The following MROH2A variants were observed in gnomAD, a reference collection of about 807,000 sequenced individuals.
The protein encoded by MROH2A is maestro heat-like repeat-containing protein family member 2A.
Under a neutral mutation model 200.4 loss-of-function variants are expected in MROH2A, and 174 were observed. The ratio of observed to expected loss-of-function variants is 0.87; its 90% CI spans 0.77 to 0.98. The LOEUF (loss-of-function observed/expected upper bound fraction) is 0.98, where lower values mean the gene tolerates loss of function less well. MROH2A is among the 50% of genes least tolerant of loss of function. The probability of loss-of-function intolerance (pLI) is 0.00; values close to 1 mark genes in which losing one functional copy is unlikely to be tolerated. For missense variants in MROH2A, 2,045 were observed against 2,139.6 expected (o/e 0.96, Z 0.87); for synonymous variants, 829 against 840.4 (o/e 0.99, Z 0.23).
At chr2:233,800,673 A>G (rs555199120) in intron 14 of MROH2A, among the ~76,000 whole-genome samples, 12 of 151,882 alleles carry the variant, frequency 7.9e-5, no homozygotes, top group Admixed American at 4.6e-4. Flanking sequence ...GTGTAGACCA[A>G]TGATTTTCAT....
rs141228203 is a variant in MROH2A at position 233,783,313 on chromosome 2, T to C, written c.276+3461T>C. 5.6e-3 allele frequency among the ~76,000 whole-genome samples: 856 copies of C among 152,296 alleles called. 7 individuals carry two copies. The highest frequency in any genetic ancestry group is 0.02 in the African/African-American group (814 of 41,562). ...AGAATTGGTATTTGCTTTTATTTAA[T>C]GTTTGGTAGAATTCAGCAGTGAATC... On this transcript the variant is annotated intron_variant, in intron 3 of 41. Coordinates refer to ENST00000389758, the MANE Select transcript of MROH2A (RefSeq NM_001394639.1).
chr2:233,795,713 C>T lies in MROH2A; in HGVS notation c.1027C>T (p.Leu343=). 1 of 1,551,206 alleles carries T rather than the reference C, an allele frequency of 6.4e-7. No individual in the cohort carries two copies. Residue 343 remains leucine (L), a synonymous_variant, in exon 9 of 42, where the codon CTA becomes TTA. Transcript: ENST00000389758. The stretch of plus-strand genomic sequence containing the variant: ...CAACACCCCTGTCCCCCAAATGCAG[C>T]TACACACCATTTTCACAGAACTGCA... ...TTNTPVPQMQ[L]HTIFTELHVQ...
intron 3 of MROH2A, among the ~76,000 whole-genome samples, chr2:233,782,859 T>C (rs560284692): frequency 6.6e-6 from 1 of 152,352 alleles, no homozygotes; most frequent in South Asian, 2.1e-4. Context: ...TTGTCATATA[T>C]GGCTTTTATT....
intron 38 of MROH2A, among the ~76,000 whole-genome samples, chr2:233,830,534 A>G (rs1009804785): frequency 6.6e-6 from 1 of 152,202 alleles, no homozygotes; most frequent in African/African-American, 2.4e-5. Context: ...GGGTCACAGG[A>G]CAAGTACTGT....
At chr2:233,822,794 G>A in intron 33 of MROH2A, 87 bp from the exon 34 acceptor site, 1 of 1,496,192 alleles carries the variant, frequency 6.7e-7, no homozygotes, top group South Asian at 1.3e-5. Flanking sequence ...GGCAGGCACT[G>A]GGGCCCCACT....
chr2:233,795,345 CCAT>C (rs1478463325), intron 8 of MROH2A, among the ~76,000 whole-genome samples: 1 of 152,140 alleles, frequency 6.6e-6, no homozygotes, highest in African/African-American at 2.4e-5. Flanking sequence ...GATTTAGGAG[CCAT>C]CTGTAGATCA....
chr2:233,832,418 G>A, intron 40 of MROH2A, 139 bp downstream of exon 40: 2 of 952,886 alleles, frequency 2.1e-6, no homozygotes, highest in Non-Finnish European at 3.2e-6. Flanking sequence ...GCCCTGCACT[G>A]TGCTTTCTAT....
At chr2:233,813,128 G>T (rs7569824) in intron 24 of MROH2A, among the ~76,000 whole-genome samples, 61,792 of 152,150 alleles carry the variant, frequency 0.41, 13,529 homozygotes, top group East Asian at 0.56. Flanking sequence ...GAAGAAGAAT[G>T]AGCTAGCATG....
Position 233,828,683 on chromosome 2 carries a change from G to A in MROH2A, c.4167G>A (p.Leu1389=). The change falls in exon 36 of 42, where the codon TTG becomes TTA. Residue 1389 remains leucine (L), a synonymous_variant. Transcript: ENST00000389758. This position sits in a 1 kb window ranked among gnomAD's most constrained non-coding sequence, Gnocchi z 4.6. ...AGAAGCTGCTGAAGCCGGCAGCTTT[G>A]CTGCTGGAGAAGGGTGCCGACCAGG... ...YQEKLLKPAA[L]LLEKGADQEE... is the part of the protein sequence containing the mutation. 6.4e-7 allele frequency: 1 copy of A among 1,550,738 alleles called. No individual in the cohort carries two copies. Among genetic ancestry groups the A allele is most frequent in the East Asian group, 2.4e-5 (1 of 40,924 alleles).
intron 11 of MROH2A, 130 bp from the exon 12 acceptor site, chr2:233,798,644 G>A: frequency 3.0e-6 from 2 of 672,768 alleles, no homozygotes; most frequent in Non-Finnish European, 2.7e-6. Context: ...GGCCAGGGAG[G>A]CTCCTAAGAA....
At chr2:233,823,319 C>T (rs556421995) in intron 34 of MROH2A, among the ~76,000 whole-genome samples, 5 of 152,350 alleles carry the variant, frequency 3.3e-5, no homozygotes, top group South Asian at 4.1e-4. Context: ...CTAGTCACTC[C>T]GGAGCCGCCC....
chr2:233,790,493 T>G (rs1191054690), intron 5 of MROH2A, among the ~76,000 whole-genome samples: 1 of 34,526 alleles, frequency 2.9e-5, no homozygotes, highest in Non-Finnish European at 4.6e-5. Flanking sequence ...CCCTCCCTCC[T>G]TCCTTCCTTT....
At chr2:233,827,576 G>T (rs181143230) in intron 35 of MROH2A, among the ~76,000 whole-genome samples, 1 of 152,228 alleles carries the variant, frequency 6.6e-6, no homozygotes, top group African/African-American at 2.4e-5. Flanking sequence ...TTGGGAGTGG[G>T]GTGGGGGAAG....
In MROH2A at chr2:233,799,765, G is replaced by A. The variant is rs1702338106; in HGVS notation, c.1330-15G>A. On this transcript the variant is annotated splice_polypyrimidine_tract_variant and intron_variant, in intron 12 of 41. Coordinates refer to ENST00000389758, the MANE Select transcript of MROH2A (RefSeq NM_001394639.1). Reference sequence around the variant, plus strand: ...CACCCCAACCCCCAGCATGTCCACGGTCCTGTCCCCTCAGGTGAGGATGGC... The same window carrying A: ...CACCCCAACCCCCAGCATGTCCACGATCCTGTCCCCTCAGGTGAGGATGGC... The A allele has an allele frequency of 1.3e-6, 2 of 1,550,316 alleles. No individual in the cohort carries two copies. Among genetic ancestry groups the A allele is most frequent in the Non-Finnish European group, 1.7e-6 (2 of 1,146,924 alleles).
intron 21 of MROH2A, 34 bp from the exon 22 acceptor site, chr2:233,809,092 C>A: frequency 6.5e-7 from 1 of 1,532,540 alleles, no homozygotes; most frequent in Non-Finnish European, 8.8e-7. Context: ...GCCCCTGCTG[C>A]CCCCAGTGGT....
intron 35 of MROH2A, among the ~76,000 whole-genome samples, chr2:233,826,933 A>G (rs367984802): frequency 2.0e-5 from 3 of 152,378 alleles, no homozygotes; most frequent in African/African-American, 7.2e-5. Flanking sequence ...GACCCTTCTC[A>G]AAGAAGACAC....
chr2:233,818,806 GGT>G (rs1575995924), intron 29 of MROH2A, 36 bp downstream of exon 29: 1 of 1,387,818 alleles, frequency 7.2e-7, no homozygotes. Context: ...CTGCCAGGCT[GGT>G]CTCAGGGCCC....
At chr2:233,829,288 G>A (rs1163497239) in intron 37 of MROH2A, among the ~76,000 whole-genome samples, 2 of 152,084 alleles carry the variant, frequency 1.3e-5, no homozygotes, top group African/African-American at 4.8e-5. Flanking sequence ...GGCCTCTGCA[G>A]CCCTGCTAGG....
rs1559441215 is a variant in MROH2A at position 233,790,431 on chromosome 2, CTCCTTCCTTCCTCCCTCCCCCCCT to C, written c.571+426_571+449del. ...CCCTTCCTTCCTCCCCTTTTCTTCT[CTCCTTCCTTCCTCCCTCCCCCCCT>C]TCCTTCCTCCCTCCCTCCTTCCTTC... On this transcript the variant is annotated intron_variant, in intron 5 of 41. Coordinates refer to ENST00000389758, the MANE Select transcript of MROH2A (RefSeq NM_001394639.1). Among the ~76,000 whole-genome samples the C allele has an allele frequency of 3.7e-4, 35 of 95,684 alleles. 3 individuals carry two copies. The highest frequency in any genetic ancestry group is 5.4e-4 in the South Asian group (1 of 1,862). 62.8% of individuals were successfully genotyped at this position (95,684 alleles called of 152,430 possible).
Sources: gnomAD v4.1 joint callset for allele counts (sites outside exome capture counted in the v4.1 genomes callset) on GRCh38, gnomAD v4.1.1 for gene constraint, Gnocchi (gnomAD v3.1) non-coding constraint, MANE v1.5 for transcripts, NCBI Gene and HGNC (gene_info 2026-07-23, HGNC 2026-07-21) for gene names.